Variants in MRTFB observed in about 807,000 individuals in gnomAD.
The protein encoded by MRTFB is myocardin related transcription factor B.
MRTFB carries 29 observed loss-of-function variants against 104.2 expected under a neutral mutation model. The observed-to-expected ratio is 0.28, with a 90% confidence interval of 0.21 to 0.38. MRTFB has a LOEUF of 0.38. Among genes scored for constraint, MRTFB ranks in the 10% least tolerant of loss-of-function variants. MRTFB has a pLI of 1.00. For synonymous variants in MRTFB, 535 were observed against 519.5 expected (o/e 1.03, Z -0.41); for missense variants, 1,270 against 1,341.6 (o/e 0.95, Z 0.83).
rs1440336662 is a variant in MRTFB at position 14,246,699 on chromosome 16, C to T, written c.1439C>T (p.Thr480Ile). 6 of 1,614,202 alleles carry T rather than the reference C, an allele frequency of 3.7e-6. No individual in the cohort carries two copies. The Admixed American group carries it at 6.7e-5, about 18-fold the overall frequency. Residue 480 changes from threonine to isoleucine, a missense_variant, in exon 12 of 17, where the codon ACT (threonine) becomes ATT (isoleucine). Coordinates refer to ENST00000571589, the MANE Select transcript of MRTFB (RefSeq NM_001308142.2). ...LHNTVTSSVS[T>I]LKAELPPTGT... ...AACACTGTGACTAGCTCAGTCTCTA[C>T]TCTCAAGGCAGAATTGCCACCTACA...
upstream of MRTFB, among the ~76,000 whole-genome samples, chr16:14,070,504 A>C (rs1465487177): frequency 6.6e-6 from 1 of 152,200 alleles, no homozygotes; most frequent in African/African-American, 2.4e-5. Flanking sequence ...TCTAAGGAGG[A>C]GACAGAACCG....
the MRTFB span, among the ~76,000 whole-genome samples, chr16:14,046,270 G>T: frequency 1.3e-5 from 2 of 152,118 alleles, no homozygotes; most frequent in Admixed American, 6.5e-5. Context: ...AGGTGGTAGT[G>T]ATCCGTGATT....
At position 14,118,570 on chromosome 16, in the gene MRTFB, G is replaced by C. The variant is rs2036666703; in HGVS notation, c.-63-21974G>C. 2.0e-5 allele frequency among the ~76,000 whole-genome samples: 3 copies of C among 151,826 alleles called. No individual in the cohort carries two copies. The South Asian group carries it at 6.2e-4, about 32-fold the overall frequency. ...AATCCCAGCACTTTGGGGAAACTGAGTTGGGCGGATTGCTTGAGCTCAAGA... is the reference window on the plus strand; with the variant it reads ...AATCCCAGCACTTTGGGGAAACTGACTTGGGCGGATTGCTTGAGCTCAAGA... On this transcript the variant is annotated intron_variant, in intron 2 of 16. Transcript: ENST00000571589.
the MRTFB span, among the ~76,000 whole-genome samples, chr16:14,027,669 G>A: frequency 1.1e-3 from 170 of 152,236 alleles, 1 homozygote; most frequent in African/African-American, 3.7e-3. Flanking sequence ...ATGGTACATG[G>A]GAGCTCTACT....
chr16:14,158,383 T>C (rs9933563), intron 3 of MRTFB, among the ~76,000 whole-genome samples: 10,780 of 152,162 alleles, frequency 0.071, 722 homozygotes, highest in African/African-American at 0.17. Context: ...GGCAAAGATA[T>C]TTTACCTTTG....
chr16:14,175,437 T>C (rs1000829987), intron 3 of MRTFB, among the ~76,000 whole-genome samples: 2 of 152,252 alleles, frequency 1.3e-5, no homozygotes, highest in African/African-American at 4.8e-5. Flanking sequence ...GTTGTTTATG[T>C]AATTCATTTT....
At chr16:14,238,491 G>T (rs1363403664) in intron 9 of MRTFB, among the ~76,000 whole-genome samples, 1 of 152,140 alleles carries the variant, frequency 6.6e-6, no homozygotes. Context: ...AATACGTGGT[G>T]GGTATCAGAG....
chr16:14,056,463 T>C, the MRTFB span, among the ~76,000 whole-genome samples: 1 of 152,212 alleles, frequency 6.6e-6, no homozygotes, highest in Non-Finnish European at 1.5e-5. Context: ...TCTCTGGCCA[T>C]GAGGAGCTCT....
intron 3 of MRTFB, among the ~76,000 whole-genome samples, chr16:14,180,755 C>T (rs1355878513): frequency 6.6e-6 from 1 of 152,184 alleles, no homozygotes; most frequent in Non-Finnish European, 1.5e-5. Context: ...CCTGAAAAGC[C>T]TTCTTTGCCT....
At chr16:14,147,061 C>T (rs1316886144) in intron 3 of MRTFB, among the ~76,000 whole-genome samples, 1 of 152,080 alleles carries the variant, frequency 6.6e-6, no homozygotes, top group Non-Finnish European at 1.5e-5. Context: ...GTTGGCTTTG[C>T]TGTTAACATA....
chr16:14,122,759 A>G (rs915744901), intron 2 of MRTFB, among the ~76,000 whole-genome samples: 3 of 152,198 alleles, frequency 2.0e-5, no homozygotes, highest in African/African-American at 4.8e-5. Context: ...ATATGTGTGC[A>G]TGTGTCTTTA....
At chr16:14,167,778 G>A (rs1295366344) in intron 3 of MRTFB, among the ~76,000 whole-genome samples, 3 of 152,216 alleles carry the variant, frequency 2.0e-5, no homozygotes, top group East Asian at 3.9e-4. Context: ...TGCAAGCTCC[G>A]CCTCCCAGGT....
At chr16:14,090,187 A>G (rs2141958298) in intron 2 of MRTFB, among the ~76,000 whole-genome samples, 1 of 152,244 alleles carries the variant, frequency 6.6e-6, no homozygotes, top group South Asian at 2.1e-4. Flanking sequence ...TGCTTGTGCC[A>G]TTCTCTCTCT....
intron 1 of MRTFB, among the ~76,000 whole-genome samples, chr16:14,078,143 C>T (rs1178454469): frequency 6.6e-6 from 1 of 152,036 alleles, no homozygotes; most frequent in Admixed American, 6.6e-5. Context: ...TGTCCCCCAC[C>T]CAGTCAAAAA....
chr16:14,051,788 A>G, the MRTFB span, among the ~76,000 whole-genome samples: 1 of 152,218 alleles, frequency 6.6e-6, no homozygotes, highest in Admixed American at 6.5e-5. Flanking sequence ...AGTATTGGGT[A>G]TCTTTCTTCA....
At chr16:14,236,415 G>C (rs549359646) in intron 9 of MRTFB, among the ~76,000 whole-genome samples, 2 of 152,308 alleles carry the variant, frequency 1.3e-5, no homozygotes, top group African/African-American at 4.8e-5. Context: ...GCCAGGCACT[G>C]TTCTGGGTAC....
intron 2 of MRTFB, among the ~76,000 whole-genome samples, chr16:14,114,301 C>T (rs1301266311): frequency 2.0e-5 from 3 of 152,132 alleles, no homozygotes; most frequent in African/African-American, 7.2e-5. Context: ...TGTAAATGTT[C>T]TAAATGTTTC....
the MRTFB span, among the ~76,000 whole-genome samples, chr16:14,055,656 A>T: frequency 6.6e-6 from 1 of 152,232 alleles, no homozygotes; most frequent in East Asian, 1.9e-4. Context: ...TGGGAGAAGA[A>T]TAATAGAGGT....
intron 3 of MRTFB, among the ~76,000 whole-genome samples, chr16:14,169,585 ATCTC>A (rs1182214233): frequency 1.3e-5 from 2 of 152,172 alleles, no homozygotes; most frequent in Non-Finnish European, 2.9e-5. Flanking sequence ...TTCTTGAATT[ATCTC>A]TCTATGAGCA....
Sources: allele counts gnomAD v4.1 joint callset (sites outside exome capture counted in the v4.1 genomes callset), GRCh38; gene constraint gnomAD v4.1.1; transcripts MANE v1.5; gene names NCBI Gene and HGNC (gene_info 2026-07-23, HGNC 2026-07-21).